Variants in FAM219A observed in about 807,000 individuals in gnomAD.
FAM219A encodes family with sequence similarity 219 member A.
A neutral mutation model predicts 23.4 loss-of-function variants in FAM219A; 7 were observed. The observed-to-expected ratio is 0.30, with a 90% confidence interval of 0.17 to 0.56. The LOEUF is 0.56. FAM219A is among the 20% of genes least tolerant of loss of function. The pLI is 0.92. For synonymous variants in FAM219A, 93 were observed against 99.0 expected, an observed-to-expected ratio of 0.94 and a Z score of 0.36; for missense variants, 166 against 246.9, an observed-to-expected ratio of 0.67 and a Z score of 2.20.
At chr9:34,416,183 AAAAGAAAGAAAGAAAG>A (rs757662813) in intron 1 of FAM219A, among the ~76,000 whole-genome samples, 5,011 of 63,904 alleles carry the variant, frequency 0.078, 254 homozygotes, top group East Asian at 0.15. Context: ...GAAGAAAGAG[AAAAGAAAGAAAGAAAG>A]AAAGAAAGAA....
At chr9:34,403,433 G>T (rs1002569085) in intron 2 of FAM219A, among the ~76,000 whole-genome samples, 11 of 152,230 alleles carry the variant, frequency 7.2e-5, no homozygotes, top group African/African-American at 2.7e-4. Context: ...TAACGCAGAA[G>T]GAAGAAGAAG....
At chr9:34,413,853 G>A (rs2131946813) in intron 1 of FAM219A, among the ~76,000 whole-genome samples, 1 of 152,328 alleles carries the variant, frequency 6.6e-6, no homozygotes, top group East Asian at 1.9e-4. Flanking sequence ...CAGGGAAGGT[G>A]TGTGGCTCAG....
At chr9:34,436,773 C>CTA (rs113796026) in intron 1 of FAM219A, among the ~76,000 whole-genome samples, 27,488 of 151,998 alleles carry the variant, frequency 0.18, 2,655 homozygotes, top group East Asian at 0.32. Context: ...GTTCTCAAGC[C>CTA]ACCTCGTTGT....
intron 1 of FAM219A, among the ~76,000 whole-genome samples, chr9:34,418,050 G>A (rs1822099751): frequency 6.6e-6 from 1 of 152,140 alleles, no homozygotes; most frequent in African/African-American, 2.4e-5. Flanking sequence ...TTTAGATGTG[G>A]GGTGGGAGAA....
chr9:34,402,285 A>G, intron 4 of FAM219A, 102 bp downstream of exon 4: 2 of 1,613,928 alleles, frequency 1.2e-6, no homozygotes, highest in Non-Finnish European at 1.7e-6. Flanking sequence ...TGGCTGAAGA[A>G]TATCCCAATT....
intron 1 of FAM219A, among the ~76,000 whole-genome samples, chr9:34,416,502 G>A (rs138998245): frequency 3.9e-5 from 6 of 151,968 alleles, no homozygotes; most frequent in African/African-American, 7.2e-5. Context: ...TGTGGTTCAC[G>A]CCTGTAATCC....
intron 1 of FAM219A, among the ~76,000 whole-genome samples, chr9:34,443,236 G>A (rs368493189): frequency 2.8e-4 from 43 of 152,188 alleles, no homozygotes; most frequent in African/African-American, 9.6e-4. Flanking sequence ...ATTGACCTTC[G>A]GGAACCGAAA....
intron 1 of FAM219A, among the ~76,000 whole-genome samples, chr9:34,429,366 G>A (rs888286181): frequency 1.3e-5 from 2 of 152,326 alleles, no homozygotes; most frequent in Non-Finnish European, 2.9e-5. Flanking sequence ...GAGGAACAGG[G>A]TCCTGAGTGT....
intron 1 of FAM219A, among the ~76,000 whole-genome samples, chr9:34,426,804 C>G (rs1822499261): frequency 6.6e-6 from 1 of 152,168 alleles, no homozygotes; most frequent in Non-Finnish European, 1.5e-5. Context: ...TCTTCCTCCT[C>G]CCTCCTCTGA....
intron 1 of FAM219A, among the ~76,000 whole-genome samples, chr9:34,444,125 G>A (rs545617052): frequency 4.6e-5 from 7 of 152,304 alleles, no homozygotes; most frequent in African/African-American, 1.7e-4. Flanking sequence ...AGAGCAGAGA[G>A]GACTTTCTGG....
chr9:34,415,790 A>C (rs1271633794), intron 1 of FAM219A, among the ~76,000 whole-genome samples: 1 of 152,174 alleles, frequency 6.6e-6, no homozygotes, highest in Non-Finnish European at 1.5e-5. Flanking sequence ...TGGAGATGTA[A>C]AGTTCAAGAC....
At chr9:34,453,583 A>C (rs947420148) in intron 1 of FAM219A, among the ~76,000 whole-genome samples, 4 of 152,206 alleles carry the variant, frequency 2.6e-5, no homozygotes, top group African/African-American at 7.2e-5. Flanking sequence ...TCCTTAAAGT[A>C]CCTGATCTGA....
chr9:34,402,376 C>G lies in FAM219A; in HGVS notation c.344+11G>C, dbSNP rs747002519. 1 of 1,614,092 alleles carries G rather than the reference C, an allele frequency of 6.2e-7. No homozygotes were observed. The highest frequency in any genetic ancestry group is 8.5e-7 in the Non-Finnish European group (1 of 1,180,038). On this transcript the variant is annotated intron_variant, in intron 4 of 5. Transcript: ENST00000651358. ...TGGGCTGCCCAGCTACCCCCAAGCC[C>G]CCATACACACCTGTCCGTGTCAAGG...
intron 4 of FAM219A, 127 bp from the exon 5 acceptor site, chr9:34,401,847 C>G: frequency 2.0e-6 from 2 of 1,020,902 alleles, no homozygotes; most frequent in Non-Finnish European, 1.5e-6. Flanking sequence ...AATCTCAATA[C>G]GAACTGTGCT....
chr9:34,416,808 ATT>A (rs781741211), intron 1 of FAM219A, among the ~76,000 whole-genome samples: 32 of 113,650 alleles, frequency 2.8e-4, no homozygotes, highest in Admixed American at 1.4e-3. Flanking sequence ...TCAGCTCTCC[ATT>A]TTTTTTTTTT....
intron 1 of FAM219A, among the ~76,000 whole-genome samples, chr9:34,450,607 C>T (rs1476703229): frequency 2.6e-5 from 4 of 152,038 alleles, no homozygotes; most frequent in East Asian, 1.9e-4. Flanking sequence ...TTAGTAGGGA[C>T]GGGATTTCAA....
intron 1 of FAM219A, among the ~76,000 whole-genome samples, chr9:34,424,369 G>A (rs1017774307): frequency 1.3e-5 from 2 of 152,126 alleles, no homozygotes; most frequent in African/African-American, 4.8e-5. Context: ...AGTCCTCACC[G>A]AGAGACATTC....
intron 1 of FAM219A, among the ~76,000 whole-genome samples, chr9:34,410,784 ACT>A (rs1033702994): frequency 7.2e-5 from 11 of 152,126 alleles, no homozygotes; most frequent in Non-Finnish European, 1.2e-4. Flanking sequence ...AAAAGCACAG[ACT>A]CTGGAGCCAG....
chr9:34,435,421 C>T (rs1458024223), intron 1 of FAM219A, among the ~76,000 whole-genome samples: 3 of 151,768 alleles, frequency 2.0e-5, no homozygotes, highest in Non-Finnish European at 2.9e-5. Flanking sequence ...CCATTTGTTT[C>T]CCCAAATAGA....
Sources: allele counts gnomAD v4.1 joint callset (sites outside exome capture counted in the v4.1 genomes callset), GRCh38; gene constraint gnomAD v4.1.1; transcripts MANE v1.5; gene names NCBI Gene and HGNC (gene_info 2026-07-23, HGNC 2026-07-21).